Variants in SEMA3A observed in about 807,000 individuals in gnomAD.
SEMA3A encodes semaphorin-3A.
SEMA3A carries 29 observed loss-of-function variants against 97.9 expected under a neutral mutation model. The observed-to-expected ratio is 0.30, with a 90% CI of 0.22 to 0.40. The LOEUF (loss-of-function observed/expected upper bound fraction) is 0.40. SEMA3A is among the 10% of genes least tolerant of loss of function. The probability of loss-of-function intolerance (pLI) is 1.00; values close to 1 mark genes in which losing one functional copy is unlikely to be tolerated. For missense variants in SEMA3A, 763 were observed against 951.3 expected (o/e 0.80, Z 2.60); for synonymous variants, 321 against 323.7 (o/e 0.99, Z 0.09).
At chr7:83,988,560 A>G (rs554078920) in intron 12 of SEMA3A, among the ~76,000 whole-genome samples, 1 of 152,280 alleles carries the variant, frequency 6.6e-6, no homozygotes, top group South Asian at 2.1e-4. Context: ...GGCTGAGCTG[A>G]GAACAGGATT....
At position 84,011,271 on chromosome 7, in the gene SEMA3A, C is replaced by G; in HGVS notation, c.837G>C (p.Leu279=). The change falls in exon 8 of 17, where the codon CTG becomes CTC. Residue 279 remains leucine (L), a synonymous_variant. Coordinates refer to ENST00000265362, the MANE Select transcript of SEMA3A (RefSeq NM_006080.3). ...CKNDFGGHRS[L]VNKWTTFLKA... is the part of the protein sequence containing the mutation. ...TGAGGAATGTTGTCCATTTATTCAC[C>G]AGACTTCTGTGCCCTCCAAAGTCAT... 1 of 1,613,822 alleles carries G rather than the reference C, an allele frequency of 6.2e-7. No individual in the cohort carries two copies.
intron 1 of SEMA3A, among the ~76,000 whole-genome samples, chr7:84,474,558 G>A (rs180761860): frequency 6.6e-6 from 1 of 152,298 alleles, no homozygotes; most frequent in Non-Finnish European, 1.5e-5. Context: ...GGTGTAATGA[G>A]GAAGATGACT....
At chr7:84,313,046 T>C (rs1261162004) in intron 2 of SEMA3A, among the ~76,000 whole-genome samples, 1 of 144,412 alleles carries the variant, frequency 6.9e-6, no homozygotes, top group African/African-American at 2.5e-5. Flanking sequence ...CATATATAAG[T>C]GTATATATAT....
At chr7:84,310,482 T>A (rs1801286218) in intron 2 of SEMA3A, among the ~76,000 whole-genome samples, 1 of 151,992 alleles carries the variant, frequency 6.6e-6, no homozygotes. Flanking sequence ...TGTTCTAAAA[T>A]GATAGTAACA....
At chr7:84,057,424 T>A (rs1287692466) in intron 5 of SEMA3A, among the ~76,000 whole-genome samples, 2 of 152,100 alleles carry the variant, frequency 1.3e-5, no homozygotes, top group Non-Finnish European at 2.9e-5. Flanking sequence ...AAAGATTTTT[T>A]AAAACAAATT....
rs150285912 is a variant in SEMA3A, at chr7:83,961,449, T to C, written c.2238A>G (p.Lys746=). Residue 746 remains lysine (K), a synonymous_variant, in exon 17 of 17, where the codon AAA becomes AAG. Transcript: ENST00000265362. ...RPGHTPGNSN[K]WKHLQENKKG... Reference sequence around the variant, plus strand: ...TCTTATTTTCTTGTAAGTGCTTCCATTTGTTACTGTTCCCTGGGGTATGTC... The same window carrying C: ...TCTTATTTTCTTGTAAGTGCTTCCACTTGTTACTGTTCCCTGGGGTATGTC... 4.4e-5 allele frequency: 71 copies of C among 1,614,022 alleles called. No individual in the cohort carries two copies. The highest frequency in any genetic ancestry group is 5.4e-5 in the Non-Finnish European group (64 of 1,179,976).
chr7:84,411,422 A>T (rs1034480555), intron 1 of SEMA3A, among the ~76,000 whole-genome samples: 1 of 152,068 alleles, frequency 6.6e-6, no homozygotes, highest in Non-Finnish European at 1.5e-5. Context: ...CTTACCATGA[A>T]TTATTGATTC....
At chr7:84,421,531 T>C (rs553311383) in intron 1 of SEMA3A, among the ~76,000 whole-genome samples, 1 of 152,234 alleles carries the variant, frequency 6.6e-6, no homozygotes, top group South Asian at 2.1e-4. Context: ...CTGATTGCCC[T>C]GGCCAGAACT....
chr7:84,228,140 A>G lies in SEMA3A; in HGVS notation c.-82-33472T>C, dbSNP rs531479636. 7.2e-5 allele frequency among the ~76,000 whole-genome samples: 11 copies of G among 152,180 alleles called. No individual in the cohort carries two copies. The South Asian group carries it at 2.3e-3, about 32-fold the overall frequency. ...TACTCTAAAAATGGGTGATGAAGCC[A>G]GAGTACAATGAGCTAGGATGAGATG... is the stretch of plus-strand genomic sequence containing the variant. On this transcript the variant is annotated intron_variant, in intron 3 of 3. Transcript: ENST00000424555.
intron 5 of SEMA3A, among the ~76,000 whole-genome samples, chr7:84,056,304 C>A (rs1423822436): frequency 6.6e-6 from 1 of 152,124 alleles, no homozygotes; most frequent in Non-Finnish European, 1.5e-5. Flanking sequence ...CATATATACT[C>A]TAGACTTTCT....
chr7:84,395,863 G>A (rs1803718072), intron 1 of SEMA3A, among the ~76,000 whole-genome samples: 2 of 152,132 alleles, frequency 1.3e-5, no homozygotes, highest in South Asian at 4.2e-4. Flanking sequence ...TTTCTTCATA[G>A]CAGCATGAGA....
chr7:83,984,229 C>G (rs1789538053), intron 13 of SEMA3A, among the ~76,000 whole-genome samples: 1 of 151,912 alleles, frequency 6.6e-6, no homozygotes, highest in Admixed American at 6.6e-5. Context: ...AAAGAATATC[C>G]CAGTCTAGCT....
At chr7:84,304,324 C>T (rs1801100517) in intron 3 of SEMA3A, among the ~76,000 whole-genome samples, 1 of 151,980 alleles carries the variant, frequency 6.6e-6, no homozygotes, top group Non-Finnish European at 1.5e-5. Context: ...GTCTCCTTCA[C>T]AATTACTCAA....
At chr7:84,179,774 A>G (rs1459854267) in intron 1 of SEMA3A, among the ~76,000 whole-genome samples, 1 of 151,934 alleles carries the variant, frequency 6.6e-6, no homozygotes, top group Non-Finnish European at 1.5e-5. Context: ...GATGAGAAAG[A>G]GAACAATAAG....
At chr7:84,130,988 T>C (rs114997621) in intron 2 of SEMA3A, among the ~76,000 whole-genome samples, 1,913 of 152,134 alleles carry the variant, frequency 0.013, 41 homozygotes, top group African/African-American at 0.044. Flanking sequence ...CATTTTATGA[T>C]TCTCTGTGAT....
chr7:84,435,104 C>T (rs1326990726), intron 1 of SEMA3A, among the ~76,000 whole-genome samples: 1 of 152,148 alleles, frequency 6.6e-6, no homozygotes, highest in Non-Finnish European at 1.5e-5. Context: ...ACCTAGAAAT[C>T]CCTAAACACT....
At chr7:84,426,265 TAG>T in intron 1 of SEMA3A, among the ~76,000 whole-genome samples, 1 of 120,518 alleles carries the variant, frequency 8.3e-6, no homozygotes, top group African/African-American at 3.3e-5. Context: ...GAGATAGATA[TAG>T]ATATATAGAC....
At chr7:84,055,311 G>C (rs372345231) in intron 5 of SEMA3A, among the ~76,000 whole-genome samples, 195 of 152,102 alleles carry the variant, frequency 1.3e-3, no homozygotes, top group Admixed American at 9.0e-3. Context: ...GCCTCGCTGC[G>C]GCCTTGCAGT....
At chr7:84,397,500 T>TTA (rs551674297) in intron 1 of SEMA3A, among the ~76,000 whole-genome samples, 98 of 148,636 alleles carry the variant, frequency 6.6e-4, no homozygotes, top group African/African-American at 2.2e-3. Context: ...ACAATACATG[T>TTA]TATATATATT....
Sources: allele counts gnomAD v4.1 joint callset (sites outside exome capture counted in the v4.1 genomes callset), GRCh38; gene constraint gnomAD v4.1.1; transcripts MANE v1.5; gene names NCBI Gene and HGNC (gene_info 2026-07-23, HGNC 2026-07-21).